Variants in PLD5 observed in about 807,000 individuals in gnomAD.
PLD5 encodes the protein phospholipase D family member 5.
Under a neutral mutation model 61.1 loss-of-function variants are expected in PLD5, and 36 were observed. The ratio of observed to expected loss-of-function variants is 0.59; its 90% CI spans 0.45 to 0.78. The LOEUF (loss-of-function observed/expected upper bound fraction) is 0.78, where lower values mean the gene tolerates loss of function less well. Among genes scored for constraint, PLD5 ranks in the 30% least tolerant of loss-of-function variants. The pLI is 0.00. For synonymous variants in PLD5, 243 were observed against 242.8 expected (o/e 1.00, Z -0.01); for missense variants, 515 against 644.4 (o/e 0.80, Z 2.17).
At chr1:242,107,943 T>A in intron 7 of PLD5, 104 bp from the exon 8 acceptor site, 2 of 1,117,408 alleles carry the variant, frequency 1.8e-6, no homozygotes, top group Non-Finnish European at 2.5e-6. Flanking sequence ...CATTACTTTA[T>A]CCTGTAATAT....
At chr1:242,286,185 A>C (rs1408990879) in intron 3 of PLD5, among the ~76,000 whole-genome samples, 1 of 152,162 alleles carries the variant, frequency 6.6e-6, no homozygotes, top group Admixed American at 6.5e-5. Context: ...AGAAAAGACA[A>C]ATTTTTGGCT....
intron 1 of PLD5, among the ~76,000 whole-genome samples, chr1:242,457,519 G>C (rs2654865): frequency 0.41 from 61,816 of 151,938 alleles, 12,967 homozygotes; most frequent in Admixed American, 0.55. Context: ...AAGAGGTTAT[G>C]CTTGTGTTTC....
intron 2 of PLD5, among the ~76,000 whole-genome samples, chr1:242,332,481 C>T (rs865829625): frequency 1.3e-5 from 2 of 152,184 alleles, no homozygotes; most frequent in African/African-American, 4.8e-5. Flanking sequence ...AATGGTTGAA[C>T]TAATTTACAC....
Position 242,256,487 on chromosome 1 carries a change from G to A in PLD5, c.607+8850C>T, listed in dbSNP as rs560474489. Among the ~76,000 whole-genome samples, 50 of 152,198 alleles carry A rather than the reference G, an allele frequency of 3.3e-4. No homozygotes were observed. The highest frequency in any genetic ancestry group is 5.1e-4 in the Non-Finnish European group (35 of 68,002). Reference sequence around the variant, plus strand: ...CACGAATGTATTGGTGTCTTGTAGCGGGGGTTGAAAGGAACAAACTTAGAT... The same window carrying A: ...CACGAATGTATTGGTGTCTTGTAGCAGGGGTTGAAAGGAACAAACTTAGAT... On this transcript the variant is annotated intron_variant, in intron 4 of 9. Coordinates refer to ENST00000536534, the MANE Select transcript of PLD5 (RefSeq NM_001372062.1). This position sits in a 1 kb window ranked among gnomAD's most constrained non-coding sequence, Gnocchi z 5.7.
chr1:242,488,030 T>C (rs552987793), intron 1 of PLD5, among the ~76,000 whole-genome samples: 2 of 152,274 alleles, frequency 1.3e-5, no homozygotes, highest in South Asian at 4.1e-4. Flanking sequence ...TACCACTACA[T>C]ACCTATTAGA....
At chr1:242,135,281 A>G (rs542751876) in intron 5 of PLD5, among the ~76,000 whole-genome samples, 3 of 152,296 alleles carry the variant, frequency 2.0e-5, no homozygotes, top group South Asian at 4.1e-4. Flanking sequence ...AGCATTTGCA[A>G]TTATTAACAG....
chr1:242,490,058 C>T (rs1171069592), intron 1 of PLD5, among the ~76,000 whole-genome samples: 5 of 152,176 alleles, frequency 3.3e-5, no homozygotes, highest in Non-Finnish European at 5.9e-5. Context: ...GAATGGCAGT[C>T]CCGTCTGTGC....
chr1:242,386,365 A>G (rs905403089), intron 1 of PLD5, among the ~76,000 whole-genome samples: 1 of 152,296 alleles, frequency 6.6e-6, no homozygotes, highest in African/African-American at 2.4e-5. Flanking sequence ...GGTGATCACA[A>G]GCTTAATTAA....
At chr1:242,090,721 G>A (rs1338932348) in intron 9 of PLD5, among the ~76,000 whole-genome samples, 1 of 152,160 alleles carries the variant, frequency 6.6e-6, no homozygotes, top group Non-Finnish European at 1.5e-5. Flanking sequence ...TGTTTTTAGG[G>A]CTGCCATAGC....
intron 5 of PLD5, among the ~76,000 whole-genome samples, chr1:242,152,557 C>A (rs1665014056): frequency 6.6e-6 from 1 of 151,922 alleles, no homozygotes; most frequent in African/African-American, 2.4e-5. Context: ...TCCTTGTGTC[C>A]ATGTGTTCTC....
At chr1:242,316,485 CTCT>C (rs1306130689) in intron 2 of PLD5, among the ~76,000 whole-genome samples, 1 of 152,132 alleles carries the variant, frequency 6.6e-6, no homozygotes, top group Non-Finnish European at 1.5e-5. Flanking sequence ...TTTGAAACCT[CTCT>C]TCAACTTTTT....
intron 1 of PLD5, among the ~76,000 whole-genome samples, chr1:242,490,465 G>A (rs976826034): frequency 2.0e-5 from 3 of 151,910 alleles, no homozygotes; most frequent in African/African-American, 4.8e-5. Context: ...ACTATACCTC[G>A]AACACAGGAT....
intron 3 of PLD5, among the ~76,000 whole-genome samples, chr1:242,273,020 TC>T (rs1674197466): frequency 6.6e-6 from 1 of 152,164 alleles, no homozygotes; most frequent in South Asian, 2.1e-4. Context: ...CAACCCATCA[TC>T]TGGGTTTTAA....
At chr1:242,219,936 G>A in intron 5 of PLD5, 52 bp downstream of exon 5, 1 of 1,581,170 alleles carries the variant, frequency 6.3e-7, no homozygotes, top group South Asian at 1.1e-5. Context: ...TTATGAAGGT[G>A]GTCGCTTTGA....
intron 2 of PLD5, among the ~76,000 whole-genome samples, chr1:242,347,367 C>T (rs938550723): frequency 1.3e-5 from 2 of 152,128 alleles, no homozygotes; most frequent in Admixed American, 6.5e-5. Flanking sequence ...GGCCTCACTT[C>T]AGCTTTGCAG....
chr1:242,399,644 TA>T (rs10712764), intron 1 of PLD5, among the ~76,000 whole-genome samples: 64,403 of 149,596 alleles, frequency 0.43, 14,162 homozygotes, highest in African/African-American at 0.54. Flanking sequence ...GGCTAAGCAT[TA>T]AAAAAAAAAG....
intron 2 of PLD5, among the ~76,000 whole-genome samples, chr1:242,332,693 G>A (rs562533172): frequency 2.6e-5 from 4 of 152,270 alleles, no homozygotes; most frequent in Admixed American, 2.6e-4. Flanking sequence ...CTCACAAAGA[G>A]CTTTTACATC....
At chr1:242,507,719 A>G (rs576190574) in intron 1 of PLD5, among the ~76,000 whole-genome samples, 46 of 152,336 alleles carry the variant, frequency 3.0e-4, no homozygotes, top group African/African-American at 1.0e-3. Flanking sequence ...GCAACTAGAA[A>G]TCTACTCTGT....
intron 1 of PLD5, among the ~76,000 whole-genome samples, chr1:242,363,794 T>TA (rs575206625): frequency 2.0e-3 from 302 of 152,100 alleles, no homozygotes; most frequent in Non-Finnish European, 3.1e-3. Flanking sequence ...TTAAAGGATA[T>TA]AAAAAAAGAC....
Sources: allele counts gnomAD v4.1 joint callset (sites outside exome capture counted in the v4.1 genomes callset), GRCh38; gene constraint gnomAD v4.1.1; non-coding constraint Gnocchi (gnomAD v3.1); transcripts MANE v1.5; gene names NCBI Gene and HGNC (gene_info 2026-07-23, HGNC 2026-07-21).